SRD5A1: variants seen among roughly 807,000 people sequenced by gnomAD.
The protein encoded by SRD5A1 is steroid 5 alpha-reductase 1.
Under a neutral mutation model 28.2 loss-of-function variants are expected in SRD5A1, and 22 were observed. That is an observed-to-expected ratio of 0.78 (90% CI 0.56 to 1.12). SRD5A1 has a LOEUF of 1.12. SRD5A1 is among the 50% of genes most tolerant of loss of function. The probability of loss-of-function intolerance (pLI) is 0.00; values close to 1 mark genes in which losing one functional copy is unlikely to be tolerated. For missense variants in SRD5A1, 300 were observed against 346.7 expected, an observed-to-expected ratio of 0.87 and a Z score of 1.07; for synonymous variants, 151 against 135.0, an observed-to-expected ratio of 1.12 and a Z score of -0.82.
At chr5:6,654,098 G>T (rs1371725468) in intron 2 of SRD5A1, among the ~76,000 whole-genome samples, 1 of 152,014 alleles carries the variant, frequency 6.6e-6, no homozygotes, top group Non-Finnish European at 1.5e-5. Context: ...TATCGCCCAG[G>T]CTGGAGTGCA....
At chr5:6,641,512 A>T (rs1318165126) in intron 1 of SRD5A1, among the ~76,000 whole-genome samples, 1 of 152,162 alleles carries the variant, frequency 6.6e-6, no homozygotes, top group Non-Finnish European at 1.5e-5. Flanking sequence ...ACCTTCTCCT[A>T]GCAACTGGAG....
At chr5:6,639,079 C>T (rs1738285079) in intron 1 of SRD5A1, among the ~76,000 whole-genome samples, 1 of 152,172 alleles carries the variant, frequency 6.6e-6, no homozygotes, top group South Asian at 2.1e-4. Context: ...CTTTGAGAGT[C>T]AAATCATTTG....
intron 1 of SRD5A1, among the ~76,000 whole-genome samples, chr5:6,640,274 G>T (rs1738321652): frequency 6.6e-6 from 1 of 152,144 alleles, no homozygotes; most frequent in Non-Finnish European, 1.5e-5. Context: ...ATTTAGTATA[G>T]GATTAGGAAT....
chr5:6,654,495 G>A (rs1015506051), intron 2 of SRD5A1, among the ~76,000 whole-genome samples: 3 of 152,124 alleles, frequency 2.0e-5, no homozygotes, highest in Non-Finnish European at 2.9e-5. Flanking sequence ...GTGCAGTGGC[G>A]TGATCTTGGC....
At position 6,670,449 on chromosome 5, in the gene SRD5A1, G is replaced by A. The variant is rs1339677553; in HGVS notation, c.*2181G>A. 1 of 152,290 alleles carries A rather than the reference G, an allele frequency of 6.6e-6. No homozygotes were observed. The highest frequency in any genetic ancestry group is 6.5e-5 in the Admixed American group (1 of 15,282). 9.4% of individuals were successfully genotyped at this position (152,290 alleles called of 1,614,324 possible). ...TGCTGTTATCTGTAGGAAGACCACA[G>A]CCAACTGCTATCATGACCAAAGCTA... is the stretch of plus-strand genomic sequence containing the variant. On this transcript the variant is annotated 3_prime_UTR_variant, in exon 5 of 5. Coordinates refer to ENST00000274192, the MANE Select transcript of SRD5A1 (RefSeq NM_001047.4).
intron 1 of SRD5A1, among the ~76,000 whole-genome samples, chr5:6,639,461 G>A (rs1027435446): frequency 3.3e-5 from 5 of 152,334 alleles, no homozygotes; most frequent in Non-Finnish European, 7.3e-5. Context: ...AGGAGCAGAC[G>A]TTTGAGAAGC....
chr5:6,648,564 C>T (rs1427873881), intron 1 of SRD5A1, among the ~76,000 whole-genome samples: 1 of 152,180 alleles, frequency 6.6e-6, no homozygotes, highest in Non-Finnish European at 1.5e-5. Flanking sequence ...GCTATTGATA[C>T]TTGTGTATGC....
intron 1 of SRD5A1, among the ~76,000 whole-genome samples, chr5:6,646,511 A>T (rs373558789): frequency 6.6e-6 from 1 of 152,160 alleles, no homozygotes; most frequent in Admixed American, 6.5e-5. Flanking sequence ...GGGAGGGCGT[A>T]TGTGTCCAGG....
At chr5:6,658,613 C>T (rs935547180) in intron 3 of SRD5A1, among the ~76,000 whole-genome samples, 2 of 152,206 alleles carry the variant, frequency 1.3e-5, no homozygotes, top group African/African-American at 4.8e-5. Flanking sequence ...TGACACCAGA[C>T]ATCGGTGCAG....
In SRD5A1 at chr5:6,633,559, C is replaced by T. The variant is rs746596830; in HGVS notation, c.-18C>T. 23 of 1,492,024 alleles carry T rather than the reference C, an allele frequency of 1.5e-5. No individual in the cohort carries two copies. The South Asian group carries it at 2.5e-4, about 16-fold the overall frequency. The allele number at this position is 1,492,024 out of a possible 1,614,324, so 92.4% of individuals were successfully genotyped here. ...GCCGCGGCCTCTGGGGCATGGAGCA[C>T]GCTGCCCAGCCCTGGCGATGGCAAC... is the stretch of plus-strand genomic sequence containing the variant. On this transcript the variant is annotated 5_prime_UTR_variant, in exon 1 of 5. The change creates a new upstream start codon in the 5' untranslated region. Transcript: ENST00000274192.
In SRD5A1 at chr5:6,662,853, T is replaced by C; in HGVS notation, c.600T>C (p.Phe200=). The change falls in exon 4 of 5, where the codon TTT becomes TTC. Residue 200 remains phenylalanine (F), a synonymous_variant. Coordinates refer to ENST00000274192, the MANE Select transcript of SRD5A1 (RefSeq NM_001047.4). Reference sequence around the variant, plus strand: ...AATACGTAACTGCAGCCAACTATTTTGGAGAAATCATGGAGTGGTGTGGCT... The same window carrying C: ...AATACGTAACTGCAGCCAACTATTTCGGAGAAATCATGGAGTGGTGTGGCT... ...LFEYVTAANY[F]GEIMEWCGYA... 1 of 1,612,888 alleles carries C rather than the reference T, an allele frequency of 6.2e-7. No individual in the cohort carries two copies. Among genetic ancestry groups the C allele is most frequent in the Non-Finnish European group, 8.5e-7 (1 of 1,180,032 alleles).
rs1401811362 is a variant in SRD5A1 at position 6,668,586 on chromosome 5, T to G, written c.*318T>G. On this transcript the variant is annotated 3_prime_UTR_variant, in exon 5 of 5. Coordinates refer to ENST00000274192, the MANE Select transcript of SRD5A1 (RefSeq NM_001047.4). Reference sequence around the variant, plus strand: ...TGTGTATGAGACTAGACTTTACAACTGTCTTTGATGGCATTTTCAGAACAA... The same window carrying G: ...TGTGTATGAGACTAGACTTTACAACGGTCTTTGATGGCATTTTCAGAACAA... The G allele has an allele frequency of 9.8e-6, 2 of 204,144 alleles. No homozygotes were observed. The highest frequency in any genetic ancestry group is 2.0e-5 in the Non-Finnish European group (2 of 102,400). 12.6% of individuals were successfully genotyped at this position (204,144 alleles called of 1,614,324 possible). A position where few individuals can be genotyped will look rare whatever the true frequency, so the allele number is the denominator to read the frequency against.
At chr5:6,638,634 T>C (rs1738272368) in intron 1 of SRD5A1, among the ~76,000 whole-genome samples, 1 of 152,244 alleles carries the variant, frequency 6.6e-6, no homozygotes, top group Non-Finnish European at 1.5e-5. Flanking sequence ...AATTAATTTG[T>C]TTTAATAAGG....
chr5:6,633,793 A>G lies in SRD5A1; in HGVS notation c.217A>G (p.Ser73Gly). ...SLALPLYQYASESAPRLRSAP... is the reference protein window; with the variant it reads ...SLALPLYQYAGESAPRLRSAP... ...GGCCCTGCCGCTCTACCAGTACGCC[A>G]GCGAGTCCGCCCCGCGTCTCCGCAG... Residue 73 changes from serine to glycine, a missense_variant, in exon 1 of 5, where the codon AGC (serine) becomes GGC (glycine). Coordinates refer to ENST00000274192, the MANE Select transcript of SRD5A1 (RefSeq NM_001047.4). 2 of 1,597,816 alleles carry G rather than the reference A, an allele frequency of 1.3e-6. No individual in the cohort carries two copies. The highest frequency in any genetic ancestry group is 1.7e-6 in the Non-Finnish European group (2 of 1,179,644).
At position 6,633,508 on chromosome 5, in the gene SRD5A1, C is replaced by T. The variant is rs1738043858; in HGVS notation, c.-69C>T. On this transcript the variant is annotated 5_prime_UTR_variant, in exon 1 of 5. Transcript: ENST00000274192. ...CCTCCGGTAGCCGCCCCTCCTGCCC[C>T]CGCGCCGCCGCCCTATATGTTGCCC... 7.9e-6 allele frequency: 11 copies of T among 1,389,124 alleles called. No individual in the cohort carries two copies. Among genetic ancestry groups the T allele is most frequent in the Non-Finnish European group, 9.3e-6 (10 of 1,079,758 alleles). The allele number at this position is 1,389,124 out of a possible 1,614,324, so 86.0% of individuals were successfully genotyped here.
chr5:6,635,319 T>C (rs984955384), intron 1 of SRD5A1, among the ~76,000 whole-genome samples: 3 of 152,238 alleles, frequency 2.0e-5, no homozygotes, highest in Non-Finnish European at 4.4e-5. Flanking sequence ...CTTTATTTTT[T>C]TTTTGGAATG....
chr5:6,664,864 C>A (rs1739116033), intron 4 of SRD5A1, among the ~76,000 whole-genome samples: 1 of 152,212 alleles, frequency 6.6e-6, no homozygotes, highest in South Asian at 2.1e-4. Flanking sequence ...ACCTAAATCC[C>A]AGAGCTGCTG....
chr5:6,642,654 C>G (rs1244485152), intron 1 of SRD5A1, among the ~76,000 whole-genome samples: 1 of 152,226 alleles, frequency 6.6e-6, no homozygotes, highest in Non-Finnish European at 1.5e-5. Flanking sequence ...TGCACAAGTG[C>G]TGTTTTGCCT....
chr5:6,654,065 T>A lies in SRD5A1; in HGVS notation c.461-2013T>A, dbSNP rs199976873. 2.7e-4 allele frequency among the ~76,000 whole-genome samples: 41 copies of A among 152,194 alleles called. No individual in the cohort carries two copies. In the East Asian group the frequency reaches 3.1e-3, roughly 11 times the overall value. On this transcript the variant is annotated intron_variant, in intron 2 of 4. Transcript: ENST00000274192. The stretch of plus-strand genomic sequence containing the variant: ...ATAAGCAAATAATAATAATATATTT[T>A]TTTTTTTGAGATGGAGTTTCTCTAT...
Sources: gnomAD v4.1 joint callset for allele counts (sites outside exome capture counted in the v4.1 genomes callset) on GRCh38, gnomAD v4.1.1 for gene constraint, MANE v1.5 for transcripts, NCBI Gene and HGNC (gene_info 2026-07-23, HGNC 2026-07-21) for gene names.